KCNH5: variants seen among roughly 807,000 people sequenced by gnomAD.
KCNH5 encodes the protein potassium voltage-gated channel subfamily H member 5, also known as voltage-gated delayed rectifier potassium channel KCNH5.
A neutral mutation model predicts 96.1 loss-of-function variants in KCNH5; 46 were observed. The ratio of observed to expected loss-of-function variants is 0.48; its 90% confidence interval spans 0.38 to 0.61. The LOEUF (loss-of-function observed/expected upper bound fraction) is 0.61, where lower values mean the gene tolerates loss of function less well. KCNH5 is among the 20% of genes least tolerant of loss of function. KCNH5 has a pLI of 0.00. For synonymous variants in KCNH5, 439 were observed against 449.8 expected (o/e 0.98, Z 0.30); for missense variants, 907 against 1,225.8 (o/e 0.74, Z 3.88).
At chr14:62,722,065 G>C (rs1884827769) in intron 10 of KCNH5, among the ~76,000 whole-genome samples, 1 of 152,158 alleles carries the variant, frequency 6.6e-6, no homozygotes, top group Non-Finnish European at 1.5e-5. Context: ...ATATTCAGAA[G>C]AATATCATCA....
At chr14:63,038,863 T>G (rs1365435699) in intron 1 of KCNH5, among the ~76,000 whole-genome samples, 1 of 152,114 alleles carries the variant, frequency 6.6e-6, no homozygotes, top group Non-Finnish European at 1.5e-5. Context: ...AAAGGACTCA[T>G]GTCATGTATT....
At chr14:62,931,978 T>G (rs1360315642) in intron 7 of KCNH5, among the ~76,000 whole-genome samples, 1 of 152,170 alleles carries the variant, frequency 6.6e-6, no homozygotes, top group East Asian at 1.9e-4. Flanking sequence ...GCAAGGGCTA[T>G]GTTCTCCAGG....
In KCNH5 at chr14:62,892,704, C is replaced by A. The variant is rs559751156; in HGVS notation, c.1370-42852G>T. ...GACTTCATCTTGAAGCCAGAGCTCA[C>A]TGACAATTGCAAAAACCCAAAGGTC... On this transcript the variant is annotated intron_variant, in intron 7 of 10. Transcript: ENST00000322893. 4.6e-5 allele frequency among the ~76,000 whole-genome samples: 7 copies of A among 152,300 alleles called. No individual in the cohort carries two copies. The East Asian group carries it at 1.2e-3, about 25-fold the overall frequency.
intron 10 of KCNH5, among the ~76,000 whole-genome samples, chr14:62,718,137 G>A (rs1884725193): frequency 1.3e-5 from 2 of 152,070 alleles, no homozygotes; most frequent in South Asian, 4.1e-4. Context: ...AGGCAAGGGG[G>A]CAAGGGTTAA....
At chr14:62,946,358 T>C (rs573938873) in intron 7 of KCNH5, among the ~76,000 whole-genome samples, 1 of 152,272 alleles carries the variant, frequency 6.6e-6, no homozygotes, top group South Asian at 2.1e-4. Flanking sequence ...ATCCACTCTG[T>C]AAAATAGTTT....
chr14:62,947,846 C>T (rs1889920474), intron 7 of KCNH5, among the ~76,000 whole-genome samples: 1 of 151,806 alleles, frequency 6.6e-6, no homozygotes, highest in Non-Finnish European at 1.5e-5. Flanking sequence ...TATTATTATA[C>T]TTTAAGTTTT....
chr14:62,924,848 T>C (rs2140111157), intron 7 of KCNH5, among the ~76,000 whole-genome samples: 1 of 152,010 alleles, frequency 6.6e-6, no homozygotes, highest in East Asian at 1.9e-4. Flanking sequence ...GGGTATGAAC[T>C]TTCAGTGATA....
chr14:62,766,274 C>T (rs567725481), intron 10 of KCNH5, among the ~76,000 whole-genome samples: 4 of 152,218 alleles, frequency 2.6e-5, no homozygotes, highest in African/African-American at 9.6e-5. Context: ...TTGTAGGTTC[C>T]TCAAAAAACT....
intron 6 of KCNH5, among the ~76,000 whole-genome samples, chr14:62,962,960 A>T (rs1279560183): frequency 6.6e-6 from 1 of 152,124 alleles, no homozygotes; most frequent in Non-Finnish European, 1.5e-5. Flanking sequence ...TGGCTTGATG[A>T]TCCAGGATCA....
At chr14:62,853,458 T>TATATATATATATATG (rs1887853310) in intron 7 of KCNH5, among the ~76,000 whole-genome samples, 1 of 43,984 alleles carries the variant, frequency 2.3e-5, no homozygotes, top group African/African-American at 7.8e-5. Context: ...AGAATAATCA[T>TATATATATATATATG]ATATATATAT....
intron 10 of KCNH5, among the ~76,000 whole-genome samples, chr14:62,756,031 T>G (rs1885616115): frequency 6.6e-6 from 1 of 151,450 alleles, no homozygotes; most frequent in Admixed American, 6.6e-5. Context: ...TGAAAGCCTT[T>G]CCTCTAAGGA....
At chr14:62,969,590 G>C (rs1330683985) in intron 6 of KCNH5, among the ~76,000 whole-genome samples, 1 of 151,844 alleles carries the variant, frequency 6.6e-6, no homozygotes, top group Non-Finnish European at 1.5e-5. Context: ...CTGATGGGGG[G>C]CTGCCAGGGA....
chr14:62,762,759 A>C lies in KCNH5; in HGVS notation c.2019+16969T>G, dbSNP rs1595611419. On this transcript the variant is annotated intron_variant, in intron 10 of 10. Coordinates refer to ENST00000322893, the MANE Select transcript of KCNH5 (RefSeq NM_139318.5). The stretch of plus-strand genomic sequence containing the variant: ...GGCTATTCTAATTTCAAAAAAAAAA[A>C]CAGACTTTAAATCAAAAATAATGAA... 3.3e-5 allele frequency among the ~76,000 whole-genome samples: 5 copies of C among 152,278 alleles called. No individual in the cohort carries two copies. In the South Asian group the frequency reaches 1.0e-3, roughly 32 times the overall value.
chr14:63,013,773 T>A (rs569117314), intron 2 of KCNH5, among the ~76,000 whole-genome samples: 34 of 152,270 alleles, frequency 2.2e-4, no homozygotes, highest in Admixed American at 2.2e-3. Context: ...AATATGTTGT[T>A]AGTTTTTTCC....
At chr14:62,898,786 A>G (rs1888866000) in intron 7 of KCNH5, among the ~76,000 whole-genome samples, 1 of 152,184 alleles carries the variant, frequency 6.6e-6, no homozygotes, top group Admixed American at 6.5e-5. Flanking sequence ...AAAATAATGG[A>G]TAGAGGTATC....
intron 4 of KCNH5, among the ~76,000 whole-genome samples, chr14:62,987,808 G>C (rs1051794641): frequency 2.0e-5 from 3 of 152,120 alleles, no homozygotes; most frequent in African/African-American, 7.2e-5. Flanking sequence ...AAAAGTTGGG[G>C]ATTTATTTGT....
At chr14:62,866,270 T>G (rs1888132227) in intron 7 of KCNH5, among the ~76,000 whole-genome samples, 1 of 152,046 alleles carries the variant, frequency 6.6e-6, no homozygotes, top group Non-Finnish European at 1.5e-5. Flanking sequence ...TTTCAAAGAG[T>G]GTAAGTTTTG....
chr14:62,940,949 A>G (rs963916721), intron 7 of KCNH5, among the ~76,000 whole-genome samples: 2 of 152,214 alleles, frequency 1.3e-5, no homozygotes, highest in Non-Finnish European at 2.9e-5. Flanking sequence ...CTCTTAATTC[A>G]TAGTATAAGA....
chr14:63,010,976 C>G (rs1891214396), intron 2 of KCNH5, among the ~76,000 whole-genome samples: 1 of 152,114 alleles, frequency 6.6e-6, no homozygotes, highest in Non-Finnish European at 1.5e-5. Context: ...ATATTATCTG[C>G]AGGCTGTAGT....
Sources: allele counts gnomAD v4.1 joint callset (sites outside exome capture counted in the v4.1 genomes callset), GRCh38; gene constraint gnomAD v4.1.1; transcripts MANE v1.5; gene names NCBI Gene and HGNC (gene_info 2026-07-23, HGNC 2026-07-21).